The following WDPCP variants were observed in gnomAD, a reference collection of about 807,000 sequenced individuals.
WDPCP encodes the protein WD repeat-containing and planar cell polarity effector protein fritz homolog.
A neutral mutation model predicts 93.1 loss-of-function variants in WDPCP; 71 were observed. The observed-to-expected ratio is 0.76, with a 90% CI of 0.63 to 0.93. WDPCP has a LOEUF of 0.93. WDPCP is among the 40% of genes least tolerant of loss of function. The probability of loss-of-function intolerance (pLI) is 0.00; values close to 1 mark genes in which losing one functional copy is unlikely to be tolerated. For synonymous variants in WDPCP, 315 were observed against 315.0 expected (o/e 1.00, Z 0.00); for missense variants, 844 against 887.4 (o/e 0.95, Z 0.62).
At chr2:63,303,116 C>A (rs1209322500) in intron 13 of WDPCP, among the ~76,000 whole-genome samples, 1 of 152,192 alleles carries the variant, frequency 6.6e-6, no homozygotes, top group African/African-American at 2.4e-5. Context: ...CCCACCCAAG[C>A]CCCTCAGAGT....
chr2:63,664,258 A>G (rs1281984582), intron 2 of WDPCP, among the ~76,000 whole-genome samples: 2 of 152,216 alleles, frequency 1.3e-5, no homozygotes, highest in Non-Finnish European at 2.9e-5. Context: ...AAGTAGGAAA[A>G]TAATTTACTA....
At chr2:63,553,297 T>G (rs1705821185) in intron 1 of WDPCP, among the ~76,000 whole-genome samples, 1 of 152,218 alleles carries the variant, frequency 6.6e-6, no homozygotes, top group Non-Finnish European at 1.5e-5. Flanking sequence ...AACTAATCAT[T>G]TATTTCAAGG....
At chr2:63,331,141 C>T (rs13386223) in intron 12 of WDPCP, among the ~76,000 whole-genome samples, 4 of 152,266 alleles carry the variant, frequency 2.6e-5, no homozygotes, top group African/African-American at 9.6e-5. Flanking sequence ...CAGGCATAAG[C>T]CATCATGCCT....
At chr2:63,324,940 G>A (rs1435604633) in intron 12 of WDPCP, among the ~76,000 whole-genome samples, 1 of 152,176 alleles carries the variant, frequency 6.6e-6, no homozygotes, top group Admixed American at 6.5e-5. Context: ...GAGGCCTTAA[G>A]AAAATATACT....
At chr2:63,487,124 C>G (rs1700618608) in intron 3 of WDPCP, among the ~76,000 whole-genome samples, 1 of 151,962 alleles carries the variant, frequency 6.6e-6, no homozygotes, top group South Asian at 2.1e-4. Context: ...ATCCAGGAGG[C>G]CAGCATCAGT....
intron 14 of WDPCP, among the ~76,000 whole-genome samples, chr2:63,208,152 TG>T (rs1398438288): frequency 1.3e-5 from 2 of 152,198 alleles, no homozygotes; most frequent in Non-Finnish European, 2.9e-5. Flanking sequence ...TTTAAAATAT[TG>T]GGGTCAATTC....
chr2:63,476,605 TGCTGTG>T (rs768787536), intron 6 of WDPCP, among the ~76,000 whole-genome samples: 1 of 152,198 alleles, frequency 6.6e-6, no homozygotes, highest in Non-Finnish European at 1.5e-5. Flanking sequence ...GACTAGGTTA[TGCTGTG>T]GACCCAGTCC....
intron 14 of WDPCP, among the ~76,000 whole-genome samples, chr2:63,246,181 A>G (rs1163138169): frequency 6.6e-6 from 1 of 152,152 alleles, no homozygotes; most frequent in Non-Finnish European, 1.5e-5. Flanking sequence ...TAAACTTGCT[A>G]TGATAGGCAA....
chr2:63,292,469 G>A (rs1684521121), intron 13 of WDPCP, among the ~76,000 whole-genome samples: 1 of 152,068 alleles, frequency 6.6e-6, no homozygotes, highest in Admixed American at 6.5e-5. Context: ...AATGCCCAAT[G>A]AGGATGCTTA....
chr2:63,177,848 G>A (rs1673936249), intron 14 of WDPCP, among the ~76,000 whole-genome samples: 1 of 152,076 alleles, frequency 6.6e-6, no homozygotes, highest in South Asian at 2.1e-4. Context: ...GATGTTACCT[G>A]TGGTCTTTTC....
Position 63,786,204 on chromosome 2 carries a change from G to T in WDPCP, n.308+27418C>A, listed in dbSNP as rs150268568. The stretch of plus-strand genomic sequence containing the variant: ...TTTTAAATTCTTTTGTAGAGACGAG[G>T]TCTCACTATATTGCCCAGGCTGGTC... On this transcript the variant is annotated intron_variant and non_coding_transcript_variant, in intron 2 of 4. Transcript: ENST00000467687. Among the ~76,000 whole-genome samples, 1,048 of 152,134 alleles carry T rather than the reference G, an allele frequency of 6.9e-3. 13 individuals are homozygous for T. Among genetic ancestry groups the T allele is most frequent in the African/African-American group, 0.025 (1,024 of 41,496 alleles).
At position 63,790,889 on chromosome 2, in the gene WDPCP, A is replaced by G. The variant is rs562810154; in HGVS notation, n.308+22733T>C. ...AAAGAAATAATCAGATTTTTAAAAC[A>G]CACATTGTTTAGTTTTCCTTTACAT... On this transcript the variant is annotated intron_variant and non_coding_transcript_variant, in intron 2 of 4. Transcript: ENST00000467687. Among the ~76,000 whole-genome samples, 21 of 152,350 alleles carry G rather than the reference A, an allele frequency of 1.4e-4. 1 individual carries two copies. In the East Asian group the frequency reaches 3.3e-3, roughly 24 times the overall value.
intron 17 of WDPCP, among the ~76,000 whole-genome samples, chr2:63,143,560 T>A (rs951836348): frequency 1.1e-4 from 17 of 152,228 alleles, no homozygotes; most frequent in African/African-American, 4.1e-4. Context: ...TTAAAGAGGT[T>A]CTGTTTTGAT....
intron 13 of WDPCP, among the ~76,000 whole-genome samples, chr2:63,294,619 G>T (rs1459647769): frequency 6.7e-6 from 1 of 149,706 alleles, no homozygotes; most frequent in Non-Finnish European, 1.5e-5. Flanking sequence ...GAAATTCCCA[G>T]ATAAACCTAA....
At chr2:63,675,545 A>C (rs1269842080) in intron 2 of WDPCP, among the ~76,000 whole-genome samples, 1 of 152,176 alleles carries the variant, frequency 6.6e-6, no homozygotes, top group Non-Finnish European at 1.5e-5. Flanking sequence ...CAAGGGCAGA[A>C]AAATCTCCAT....
At chr2:63,579,635 A>C (rs1183706852) in intron 1 of WDPCP, among the ~76,000 whole-genome samples, 2 of 152,066 alleles carry the variant, frequency 1.3e-5, no homozygotes, top group Non-Finnish European at 2.9e-5. Flanking sequence ...GAAAAAGAAA[A>C]AATCATCAAC....
At chr2:63,381,289 T>A (rs943458323) in intron 11 of WDPCP, among the ~76,000 whole-genome samples, 13 of 152,242 alleles carry the variant, frequency 8.5e-5, no homozygotes, top group African/African-American at 3.1e-4. Context: ...GACCTTAGTT[T>A]TTTTACCTTC....
rs779218322 is a variant in WDPCP at position 63,604,902 on chromosome 2, C to T, written n.488+45757G>A. 5 of 1,609,784 alleles carry T rather than the reference C, an allele frequency of 3.1e-6. No individual in the cohort carries two copies. The Admixed American group carries it at 8.4e-5, about 27-fold the overall frequency. On this transcript the variant is annotated intron_variant and non_coding_transcript_variant, in intron 3 of 4. Transcript: ENST00000467687. ...GAAAAATCTGTGAGCCTTCTTAACA[C>T]TGAGCGTAAAGAACTCTTGAGAGAC...
intron 6 of WDPCP, among the ~76,000 whole-genome samples, chr2:63,461,738 C>G (rs1459061283): frequency 6.6e-6 from 1 of 152,116 alleles, no homozygotes; most frequent in Non-Finnish European, 1.5e-5. Context: ...TCATGTAGCT[C>G]CAAAAGAACA....
Sources: allele counts gnomAD v4.1 joint callset (sites outside exome capture counted in the v4.1 genomes callset), GRCh38; gene constraint gnomAD v4.1.1; transcripts MANE v1.5; gene names NCBI Gene and HGNC (gene_info 2026-07-23, HGNC 2026-07-21).